The following ATP2B2 variants were observed in gnomAD, a reference collection of about 807,000 sequenced individuals.
ATP2B2 encodes plasma membrane calcium-transporting ATPase 2.
In ATP2B2, 15 loss-of-function variants were observed where a neutral mutation model predicts 120.0. The ratio of observed to expected loss-of-function variants is 0.12; its 90% CI spans 0.08 to 0.19. The LOEUF is 0.19. Ranked by LOEUF, ATP2B2 falls within the 10% of genes least tolerant of loss-of-function variation. The pLI, the probability that ATP2B2 is intolerant of heterozygous loss-of-function variation, is 1.00. For synonymous variants in ATP2B2, 694 were observed against 700.3 expected (o/e 0.99, Z 0.14); for missense variants, 1,045 against 1,719.8 (o/e 0.61, Z 6.94).
chr3:10,677,036 G>A (rs1345050866), intron 1 of ATP2B2, among the ~76,000 whole-genome samples: 1 of 152,174 alleles, frequency 6.6e-6, no homozygotes, highest in Non-Finnish European at 1.5e-5. Context: ...CTCTTACCAT[G>A]TGGTCCAGCA....
At position 10,346,191 on chromosome 3, in the gene ATP2B2, T is replaced by C. The variant is rs2060427374; in HGVS notation, c.2405-54A>G. On this transcript the variant is annotated intron_variant, in intron 16 of 22. Transcript: ENST00000360273. The surrounding 1 kb of genome is among the most constrained non-coding windows in gnomAD (Gnocchi z 4.1). ...TGGGCCACTCAGGTGGGAGGCAGCC[T>C]GGGCCAGCCCTGGTCCTCGGGAGGG... 1.9e-6 allele frequency: 3 copies of C among 1,575,610 alleles called. No individual in the cohort carries two copies. In the African/African-American group the frequency reaches 4.0e-5, roughly 21 times the overall value.
intron 1 of ATP2B2, among the ~76,000 whole-genome samples, chr3:10,640,550 G>A (rs1044472596): frequency 1.9e-4 from 29 of 152,198 alleles, no homozygotes; most frequent in African/African-American, 7.0e-4. Flanking sequence ...ATTGTGATGT[G>A]ATCTCAGGGA....
chr3:10,512,476 A>G (rs879567170), intron 3 of ATP2B2, among the ~76,000 whole-genome samples: 4,470 of 75,774 alleles, frequency 0.059, 135 homozygotes, highest in East Asian at 0.17. Flanking sequence ...ACACACACAC[A>G]CACACACACA....
At chr3:10,601,267 A>G (rs921131590) in intron 2 of ATP2B2, among the ~76,000 whole-genome samples, 2 of 152,152 alleles carry the variant, frequency 1.3e-5, no homozygotes, top group Non-Finnish European at 2.9e-5. Context: ...AACACTCAGA[A>G]TTGGCACAGA....
chr3:10,689,567 AG>A (rs1279000852), intron 1 of ATP2B2, among the ~76,000 whole-genome samples: 1 of 152,148 alleles, frequency 6.6e-6, no homozygotes, highest in East Asian at 1.9e-4. Context: ...TCAACATTAT[AG>A]AAGAAAGGCC....
At chr3:10,596,975 GCACACGCACACGCAGGTGCACACGCA>G (rs2068779678) in intron 2 of ATP2B2, among the ~76,000 whole-genome samples, 1 of 151,636 alleles carries the variant, frequency 6.6e-6, no homozygotes, top group Non-Finnish European at 1.5e-5. Flanking sequence ...ACACACACAG[GCACACGCACACGCAGGTGCACACGCA>G]CACAGGCACA....
chr3:10,466,677 A>T (rs2064756684), intron 1 of ATP2B2, among the ~76,000 whole-genome samples: 1 of 152,170 alleles, frequency 6.6e-6, no homozygotes, highest in African/African-American at 2.4e-5. Context: ...CCAACAGATG[A>T]CTTTAGCTTG....
chr3:10,700,039 A>C (rs995454166), intron 1 of ATP2B2, among the ~76,000 whole-genome samples: 8 of 152,222 alleles, frequency 5.3e-5, no homozygotes, highest in Admixed American at 3.9e-4. Flanking sequence ...TTTTGAAAAG[A>C]GAAAAAATAC....
chr3:10,356,794 C>T (rs1447086527), intron 14 of ATP2B2, among the ~76,000 whole-genome samples: 1 of 152,140 alleles, frequency 6.6e-6, no homozygotes, highest in Non-Finnish European at 1.5e-5. Flanking sequence ...AGCAGGTGTC[C>T]CACAGGGAGG....
chr3:10,667,125 A>AG (rs2070960976), intron 1 of ATP2B2, among the ~76,000 whole-genome samples: 1 of 152,184 alleles, frequency 6.6e-6, no homozygotes, highest in Non-Finnish European at 1.5e-5. Context: ...TGGAGAATGA[A>AG]GGGACTGGGC....
chr3:10,371,889 G>A lies in ATP2B2; in HGVS notation c.1579C>T (p.Pro527Ser). The A allele has an allele frequency of 1.9e-6, 3 of 1,614,080 alleles. No homozygotes were observed. Among genetic ancestry groups the A allele is most frequent in the Non-Finnish European group, 2.5e-6 (3 of 1,180,008 alleles). Reference protein sequence around the residue: ...GDVHYKEIPDPSSINTKTMEL... With the variant: ...GDVHYKEIPDSSSINTKTMEL... ...ATGGTCTTGGTGTTGATGGAGCTGG[G>A]GTCGGGGATCTCTTTATAGTGGACG... Residue 527 changes from proline to serine, a missense_variant, in exon 12 of 23, where the codon CCC becomes TCC. This residue lies in a region of ATP2B2 where 343 missense variants were observed against 536.8 expected (regional missense o/e 0.64). Coordinates refer to ENST00000360273, the MANE Select transcript of ATP2B2 (RefSeq NM_001001331.4).
chr3:10,383,567 G>C (rs561413423), intron 8 of ATP2B2, among the ~76,000 whole-genome samples: 2 of 152,200 alleles, frequency 1.3e-5, no homozygotes, highest in African/African-American at 4.8e-5. Context: ...ACACTTTAGA[G>C]CCAGCCAGGT....
At chr3:10,339,593 CA>C (rs1211465086) in intron 21 of ATP2B2, among the ~76,000 whole-genome samples, 2 of 152,170 alleles carry the variant, frequency 1.3e-5, no homozygotes, top group Non-Finnish European at 2.9e-5. Context: ...TATTCTGGGA[CA>C]AAGCTGGAAG....
chr3:10,695,088 T>C (rs1334320905), intron 1 of ATP2B2, among the ~76,000 whole-genome samples: 2 of 152,108 alleles, frequency 1.3e-5, no homozygotes, highest in Admixed American at 6.5e-5. Flanking sequence ...TCTGTTTTCA[T>C]GCTGCCGATA....
intron 1 of ATP2B2, among the ~76,000 whole-genome samples, chr3:10,646,234 CCTT>C (rs1291428500): frequency 6.6e-6 from 1 of 152,192 alleles, no homozygotes; most frequent in East Asian, 1.9e-4. Flanking sequence ...TGGTTTCTGT[CCTT>C]CTCACGTTGT....
chr3:10,469,341 A>T (rs2064886378), intron 1 of ATP2B2, among the ~76,000 whole-genome samples: 1 of 152,284 alleles, frequency 6.6e-6, no homozygotes, highest in Non-Finnish European at 1.5e-5. Context: ...ATAGAAAAGA[A>T]AACTAAGGCA....
intron 1 of ATP2B2, among the ~76,000 whole-genome samples, chr3:10,500,023 C>T (rs2066318531): frequency 6.6e-6 from 1 of 151,430 alleles, no homozygotes; most frequent in Non-Finnish European, 1.5e-5. Flanking sequence ...GCAACCTCCA[C>T]CTCCCAGGAT....
chr3:10,513,407 G>C (rs1027571391), intron 3 of ATP2B2, among the ~76,000 whole-genome samples: 1 of 152,228 alleles, frequency 6.6e-6, no homozygotes, highest in African/African-American at 2.4e-5. Flanking sequence ...AGGAGAGGCA[G>C]TGGGGGCCCC....
rs545130159 is a variant in ATP2B2, at chr3:10,492,755, C to T, written c.-320+12710G>A. Reference sequence around the variant, plus strand: ...GATCAAGGCGGGGGTTTCTAGGCAACCTCTCCACTGTCATTTCTCTCCTGT... The same window carrying T: ...GATCAAGGCGGGGGTTTCTAGGCAATCTCTCCACTGTCATTTCTCTCCTGT... On this transcript the variant is annotated intron_variant, in intron 1 of 22. Transcript: ENST00000360273. Among the ~76,000 whole-genome samples, 37 of 152,286 alleles carry T rather than the reference C, an allele frequency of 2.4e-4. No homozygotes were observed. In the South Asian group the frequency reaches 6.0e-3, roughly 25 times the overall value.
Sources: gnomAD v4.1 joint callset for allele counts (sites outside exome capture counted in the v4.1 genomes callset) on GRCh38, gnomAD v4.1.1 for gene constraint, gnomAD v4.1.1 regional missense constraint, Gnocchi (gnomAD v3.1) non-coding constraint, MANE v1.5 for transcripts, NCBI Gene and HGNC (gene_info 2026-07-23, HGNC 2026-07-21) for gene names.